UNC13C: variants seen among roughly 807,000 people sequenced by gnomAD.
The protein encoded by UNC13C is protein unc-13 homolog C.
UNC13C carries 174 observed loss-of-function variants against 245.4 expected under a neutral mutation model. The ratio of observed to expected loss-of-function variants is 0.71; its 90% CI spans 0.63 to 0.80. The LOEUF is 0.80. UNC13C is among the 30% of genes least tolerant of loss of function. The pLI is 0.00. For missense variants in UNC13C, 2,829 were observed against 2,602.9 expected (o/e 1.09, Z -1.89); for synonymous variants, 992 against 895.1 (o/e 1.11, Z -1.93).
intron 2 of UNC13C, among the ~76,000 whole-genome samples, chr15:54,130,667 T>C (rs2141213577): frequency 6.6e-6 from 1 of 152,278 alleles, no homozygotes; most frequent in South Asian, 2.1e-4. Flanking sequence ...TGAACCTACA[T>C]CTGTATTTGG....
chr15:54,481,067 T>G (rs571573757), intron 19 of UNC13C, among the ~76,000 whole-genome samples: 1 of 152,322 alleles, frequency 6.6e-6, no homozygotes, highest in South Asian at 2.1e-4. Flanking sequence ...TGGTTTTGTT[T>G]CTGGCAGGGC....
At chr15:54,353,792 G>T (rs915469694) in intron 17 of UNC13C, among the ~76,000 whole-genome samples, 3 of 152,072 alleles carry the variant, frequency 2.0e-5, no homozygotes, top group African/African-American at 7.2e-5. Flanking sequence ...CCTCTACCAG[G>T]CCTGTAAATG....
At chr15:54,502,141 G>A (rs918493684) in intron 22 of UNC13C, among the ~76,000 whole-genome samples, 1 of 152,108 alleles carries the variant, frequency 6.6e-6, no homozygotes, top group Admixed American at 6.6e-5. Context: ...GTTTTAGGCT[G>A]TTCATTCAAC....
At chr15:53,927,880 G>A in the UNC13C span, among the ~76,000 whole-genome samples, 1 of 152,186 alleles carries the variant, frequency 6.6e-6, no homozygotes, top group African/African-American at 2.4e-5. Context: ...GTCTCTAAGA[G>A]TAGAAGAATG....
intron 17 of UNC13C, among the ~76,000 whole-genome samples, chr15:54,376,434 T>TAAAG (rs1253510108): frequency 6.6e-6 from 1 of 152,168 alleles, no homozygotes; most frequent in Non-Finnish European, 1.5e-5. Flanking sequence ...TTAAATTTTA[T>TAAAG]AAAGAACAAT....
chr15:54,610,619 C>T (rs1900036066), intron 30 of UNC13C, among the ~76,000 whole-genome samples: 1 of 152,196 alleles, frequency 6.6e-6, no homozygotes, highest in African/African-American at 2.4e-5. Context: ...AGCAACTAGA[C>T]TTTACATATG....
At chr15:54,271,221 G>A in intron 10 of UNC13C, among the ~76,000 whole-genome samples, 1 of 152,130 alleles carries the variant, frequency 6.6e-6, no homozygotes, top group Admixed American at 6.5e-5. Context: ...GTTACAAGGG[G>A]TTGTAAACAA....
the UNC13C span, among the ~76,000 whole-genome samples, chr15:53,950,911 G>T: frequency 1.3e-5 from 2 of 152,160 alleles, no homozygotes; most frequent in African/African-American, 4.8e-5. Context: ...AGGTCTTTTT[G>T]TAACAACAGT....
At chr15:54,491,340 C>T (rs1893693984) in intron 19 of UNC13C, among the ~76,000 whole-genome samples, 1 of 151,386 alleles carries the variant, frequency 6.6e-6, no homozygotes, top group Non-Finnish European at 1.5e-5. Context: ...TAAAACATAT[C>T]CTAACTTCCT....
At chr15:53,917,921 A>G in the UNC13C span, among the ~76,000 whole-genome samples, 1 of 152,156 alleles carries the variant, frequency 6.6e-6, no homozygotes, top group Admixed American at 6.5e-5. Context: ...CTTAGCTAAG[A>G]TAAAGATTGA....
chr15:54,117,235 C>G, intron 2 of UNC13C, among the ~76,000 whole-genome samples: 1 of 152,160 alleles, frequency 6.6e-6, no homozygotes, highest in East Asian at 1.9e-4. Context: ...TATCTCTTCA[C>G]TTTTTTGATT....
chr15:53,924,377 G>A, the UNC13C span, among the ~76,000 whole-genome samples: 1 of 152,168 alleles, frequency 6.6e-6, no homozygotes, highest in Admixed American at 6.5e-5. Context: ...AAAAAGGGAG[G>A]AATGATGCTT....
intron 30 of UNC13C, among the ~76,000 whole-genome samples, chr15:54,609,951 TAACTC>T (rs1475001124): frequency 6.6e-6 from 1 of 152,118 alleles, no homozygotes; most frequent in Non-Finnish European, 1.5e-5. Flanking sequence ...GATCTCATGA[TAACTC>T]ACTCACTGTC....
chr15:54,163,029 A>G (rs1016740870), intron 4 of UNC13C, among the ~76,000 whole-genome samples: 3 of 152,172 alleles, frequency 2.0e-5, no homozygotes, highest in African/African-American at 4.8e-5. Context: ...TAGACAGCAT[A>G]ATGGCCCTGC....
intron 2 of UNC13C, among the ~76,000 whole-genome samples, chr15:54,021,195 G>T (rs1895890338): frequency 6.6e-6 from 1 of 151,932 alleles, no homozygotes; most frequent in South Asian, 2.1e-4. Context: ...GTGAGAACAT[G>T]ACAAATCTAT....
At chr15:54,404,061 T>C (rs11635907) in intron 18 of UNC13C, among the ~76,000 whole-genome samples, 26,117 of 152,080 alleles carry the variant, frequency 0.17, 2,304 homozygotes, top group Middle Eastern at 0.22. Context: ...GTCAAGCATC[T>C]TAAGTGCAGA....
At chr15:53,983,759 C>T (rs551694622) in intron 1 of UNC13C, among the ~76,000 whole-genome samples, 1 of 151,784 alleles carries the variant, frequency 6.6e-6, no homozygotes, top group Non-Finnish European at 1.5e-5. Context: ...GCCTCTGTTA[C>T]CTCTTTGACA....
intron 2 of UNC13C, among the ~76,000 whole-genome samples, chr15:54,108,274 C>A (rs973441155): frequency 6.6e-6 from 1 of 152,126 alleles, no homozygotes; most frequent in Non-Finnish European, 1.5e-5. Context: ...GCAATCTCCG[C>A]CTCCAGGGTT....
chr15:54,446,915 T>C (rs1459729285), intron 19 of UNC13C, among the ~76,000 whole-genome samples: 3 of 152,182 alleles, frequency 2.0e-5, no homozygotes, highest in African/African-American at 7.2e-5. Context: ...CAGTATGATA[T>C]TGGCTGTGGG....
Sources: gnomAD v4.1 joint callset for allele counts (sites outside exome capture counted in the v4.1 genomes callset) on GRCh38, gnomAD v4.1.1 for gene constraint, MANE v1.5 for transcripts, NCBI Gene and HGNC (gene_info 2026-07-23, HGNC 2026-07-21) for gene names.